MARCHF8: variants seen among roughly 807,000 people sequenced by gnomAD.
MARCHF8 encodes the protein membrane associated ring-CH-type finger 8, also known as E3 ubiquitin-protein ligase MARCHF8.
A neutral mutation model predicts 51.6 loss-of-function variants in MARCHF8; 40 were observed. The observed-to-expected ratio is 0.77, with a 90% CI of 0.60 to 1.01. MARCHF8 has a LOEUF of 1.01. Ranked by LOEUF, MARCHF8 falls within the 50% of genes least tolerant of loss-of-function variation. MARCHF8 has a pLI of 0.00. For missense variants in MARCHF8, 685 were observed against 708.6 expected (o/e 0.97, Z 0.38); for synonymous variants, 263 against 280.3 (o/e 0.94, Z 0.62).
At chr10:45,498,224 A>G (rs990195225) in intron 2 of MARCHF8, among the ~76,000 whole-genome samples, 2 of 152,238 alleles carry the variant, frequency 1.3e-5, no homozygotes, top group Non-Finnish European at 2.9e-5. Context: ...GTTCAGTATT[A>G]AGTATATTCA....
rs758117587 is a variant in MARCHF8 at position 45,461,388 on chromosome 10, T to G, written c.1112A>C (p.Asp371Ala). ...GCAGGGGGTGATCAGGGGGCTCTCA[T>G]CATCTCCTTCACAGTGGCAGATCCT... The part of the protein sequence containing the change: ...VCRICHCEGD[D>A]ESPLITPCHC... Residue 371 changes from aspartate (D) to alanine (A), a missense_variant, in exon 6 of 8, where the codon GAT becomes GCT. By Grantham distance (126) the Asp-to-Ala change is moderately radical (BLOSUM62 -2). Transcript: ENST00000453424. 1 of 1,588,568 alleles carries G rather than the reference T, an allele frequency of 6.3e-7. No homozygotes were observed. The highest frequency in any genetic ancestry group is 8.6e-7 in the Non-Finnish European group (1 of 1,169,014).
intron 2 of MARCHF8, among the ~76,000 whole-genome samples, chr10:45,504,695 A>G (rs1197811561): frequency 6.6e-6 from 1 of 152,210 alleles, no homozygotes; most frequent in Non-Finnish European, 1.5e-5. Flanking sequence ...GTGAATAAAT[A>G]TAGCCAATTT....
At chr10:45,504,480 T>C (rs1164522828) in intron 2 of MARCHF8, among the ~76,000 whole-genome samples, 1 of 152,146 alleles carries the variant, frequency 6.6e-6, no homozygotes. Flanking sequence ...ACCTATGATG[T>C]ATAAAACACT....
chr10:45,474,546 T>A (rs970794961), intron 3 of MARCHF8, among the ~76,000 whole-genome samples: 1 of 151,730 alleles, frequency 6.6e-6, no homozygotes, highest in Non-Finnish European at 1.5e-5. Flanking sequence ...GGTGATATAA[T>A]GAAGAACATG....
intron 3 of MARCHF8, among the ~76,000 whole-genome samples, chr10:45,475,464 A>C (rs1194123240): frequency 6.6e-6 from 1 of 152,102 alleles, no homozygotes; most frequent in Non-Finnish European, 1.5e-5. Flanking sequence ...AGGCCTGGGG[A>C]CTGCGCAGCC....
chr10:45,556,186 C>T (rs1241700809), intron 1 of MARCHF8, among the ~76,000 whole-genome samples: 1 of 152,088 alleles, frequency 6.6e-6, no homozygotes, highest in Non-Finnish European at 1.5e-5. Context: ...TAAGGAAAAC[C>T]TATAGCTTAA....
In MARCHF8 at chr10:45,562,640, TA is replaced by T. The variant is rs1328473448; in HGVS notation, c.-78-29352del. Among the ~76,000 whole-genome samples, 8 of 152,162 alleles carry T rather than the reference TA, an allele frequency of 5.3e-5. No homozygotes were observed. The East Asian group carries it at 1.6e-3, about 30-fold the overall frequency. ...AAGAAACCTCGTCCTTAGATAAGCT[TA>T]TTTTTTTTAAAAAAAAGAAACTTCA... On this transcript the variant is annotated intron_variant, in intron 1 of 6. Transcript: ENST00000319836.
At chr10:45,541,396 A>C (rs1355204848) in intron 1 of MARCHF8, among the ~76,000 whole-genome samples, 1 of 152,198 alleles carries the variant, frequency 6.6e-6, no homozygotes, top group Admixed American at 6.5e-5. Flanking sequence ...CAGGAAGCGG[A>C]ACATCACACA....
chr10:45,546,051 G>A (rs760101098), intron 1 of MARCHF8, among the ~76,000 whole-genome samples: 5 of 152,268 alleles, frequency 3.3e-5, no homozygotes, highest in East Asian at 3.9e-4. Context: ...ACAGTCTGAT[G>A]CAAATTTTGT....
At chr10:45,565,754 G>C (rs931758307) in intron 1 of MARCHF8, among the ~76,000 whole-genome samples, 1 of 152,080 alleles carries the variant, frequency 6.6e-6, no homozygotes, top group Non-Finnish European at 1.5e-5. Flanking sequence ...AAGTCATCAT[G>C]AACACTGAGT....
chr10:45,461,786 A>C, intron 5 of MARCHF8: 1 of 151,272 alleles, frequency 6.6e-6, no homozygotes. Flanking sequence ...GTAAAACAAA[A>C]CCTGCATTCC....
At chr10:45,516,970 T>TACCTC (rs1420277273) in intron 2 of MARCHF8, among the ~76,000 whole-genome samples, 1 of 152,248 alleles carries the variant, frequency 6.6e-6, no homozygotes, top group Non-Finnish European at 1.5e-5. Flanking sequence ...TATATGTATG[T>TACCTC]ACCTCCTTAT....
chr10:45,466,857 A>C (rs1454708511), intron 3 of MARCHF8, among the ~76,000 whole-genome samples: 1 of 152,202 alleles, frequency 6.6e-6, no homozygotes, highest in Non-Finnish European at 1.5e-5. Flanking sequence ...CCATCCTTGC[A>C]TGCCCATGAT....
Position 45,463,351 on chromosome 10 carries a change from C to T in MARCHF8, c.888G>A (p.Leu296=). ...RLHTAKSSSG[L]AGSMGFCSDE... is the part of the protein sequence containing the mutation. ...CAGAGCAGAAGCCCATACTCCCTGC[C>T]AGCCCGCTGGAGGACTTGGCAGTGT... Residue 296 remains leucine, a synonymous_variant, in exon 5 of 8, where the codon CTG becomes CTA. Transcript: ENST00000453424. The T allele has an allele frequency of 6.4e-7, 1 of 1,550,850 alleles. No individual in the cohort carries two copies. Among genetic ancestry groups the T allele is most frequent in the Non-Finnish European group, 8.7e-7 (1 of 1,147,048 alleles).
At chr10:45,490,056 A>T (rs2043054716) in intron 2 of MARCHF8, among the ~76,000 whole-genome samples, 1 of 151,602 alleles carries the variant, frequency 6.6e-6, no homozygotes, top group Non-Finnish European at 1.5e-5. Context: ...CTCAATCACA[A>T]CTCATTTTCA....
chr10:45,562,465 C>T (rs1353988527), intron 1 of MARCHF8, among the ~76,000 whole-genome samples: 2 of 152,070 alleles, frequency 1.3e-5, no homozygotes, highest in Non-Finnish European at 2.9e-5. Context: ...CAGTAACAAG[C>T]CAGCAGACAG....
At position 45,458,557 on chromosome 10, in the gene MARCHF8, A is replaced by G; in HGVS notation, c.1418-14T>C. ...ATTCTAGGATTCCTGGAAGGGAAAA[A>G]CTCAGCCTATTAGATTTTATTTAAG... On this transcript the variant is annotated splice_polypyrimidine_tract_variant and intron_variant, in intron 7 of 7. Coordinates refer to ENST00000453424, the MANE Select transcript of MARCHF8 (RefSeq NM_001282866.2). The G allele has an allele frequency of 6.4e-7, 1 of 1,564,440 alleles. No individual in the cohort carries two copies. The highest frequency in any genetic ancestry group is 8.6e-7 in the Non-Finnish European group (1 of 1,159,458).
At chr10:45,578,734 C>T (rs940488590) in intron 1 of MARCHF8, among the ~76,000 whole-genome samples, 11 of 151,180 alleles carry the variant, frequency 7.3e-5, no homozygotes, top group Non-Finnish European at 1.3e-4. Flanking sequence ...CAGGTTGCTC[C>T]TAATATGCTG....
At chr10:45,557,113 A>ATT (rs2044259788) in intron 1 of MARCHF8, among the ~76,000 whole-genome samples, 1 of 90,954 alleles carries the variant, frequency 1.1e-5, no homozygotes, top group Non-Finnish European at 2.3e-5. Context: ...AAAGGTGCCT[A>ATT]TTCTTTTTTT....
Sources: allele counts gnomAD v4.1 joint callset (sites outside exome capture counted in the v4.1 genomes callset), GRCh38; gene constraint gnomAD v4.1.1; transcripts MANE v1.5; gene names NCBI Gene and HGNC (gene_info 2026-07-23, HGNC 2026-07-21).